Variants in CACNA2D1 observed in about 807,000 individuals in gnomAD.
The protein encoded by CACNA2D1 is calcium voltage-gated channel auxiliary subunit alpha2delta 1, also known as voltage-dependent calcium channel subunit alpha-2/delta-1.
Under a neutral mutation model 171.5 loss-of-function variants are expected in CACNA2D1, and 53 were observed. The ratio of observed to expected loss-of-function variants is 0.31; its 90% CI spans 0.25 to 0.39. CACNA2D1 has a LOEUF of 0.39. Ranked by LOEUF, CACNA2D1 falls within the 10% of genes least tolerant of loss-of-function variation. The probability of loss-of-function intolerance (pLI) is 1.00; values close to 1 mark genes in which losing one functional copy is unlikely to be tolerated. For missense variants in CACNA2D1, 903 were observed against 1,299.8 expected, an observed-to-expected ratio of 0.69 and a Z score of 4.69; for synonymous variants, 442 against 443.1, an observed-to-expected ratio of 1.00 and a Z score of 0.03.
At chr7:82,014,222 G>A (rs1281696135) in intron 13 of CACNA2D1, among the ~76,000 whole-genome samples, 179 bp downstream of exon 13, 1 of 152,036 alleles carries the variant, frequency 6.6e-6, no homozygotes, top group Non-Finnish European at 1.5e-5. Flanking sequence ...TTCATATAAT[G>A]TAATGCCAGT....
At chr7:82,192,820 A>G (rs1042431253) in intron 3 of CACNA2D1, among the ~76,000 whole-genome samples, 1 of 148,550 alleles carries the variant, frequency 6.7e-6, no homozygotes, top group Non-Finnish European at 1.5e-5. Context: ...CACACACACA[A>G]ACACTATACA....
rs1417737803 is a variant in CACNA2D1, at chr7:81,947,650, G to C, written c.*2742C>G. 3.3e-5 allele frequency: 5 copies of C among 151,940 alleles called. No homozygotes were observed. Among genetic ancestry groups the C allele is most frequent in the Non-Finnish European group, 5.9e-5 (4 of 67,868 alleles). The allele number at this position is 151,940 out of a possible 1,614,324, so 9.4% of individuals were successfully genotyped here. On this transcript the variant is annotated 3_prime_UTR_variant, in exon 39 of 39. Coordinates refer to ENST00000356860, the MANE Select transcript of CACNA2D1 (RefSeq NM_000722.4). ...AGTATAACAAAAATTAGTTAAAGCA[G>C]TGTATAAACTTTTTTATTGATCTGT...
chr7:82,166,747 A>C (rs1232815693), intron 4 of CACNA2D1, among the ~76,000 whole-genome samples: 1 of 151,998 alleles, frequency 6.6e-6, no homozygotes, highest in Non-Finnish European at 1.5e-5. Flanking sequence ...CAGCTGGTAG[A>C]CATAGCTTAT....
chr7:82,177,167 C>G (rs1796631505), intron 3 of CACNA2D1, among the ~76,000 whole-genome samples: 1 of 150,312 alleles, frequency 6.7e-6, no homozygotes, highest in African/African-American at 2.5e-5. Flanking sequence ...TCGAGCCTAC[C>G]ACCCCAGAAT....
At chr7:82,147,702 C>T (rs1793305744) in intron 4 of CACNA2D1, among the ~76,000 whole-genome samples, 5 of 152,098 alleles carry the variant, frequency 3.3e-5, no homozygotes, top group Admixed American at 3.3e-4. Context: ...CCTTCCTCTC[C>T]AGATTAATCA....
intron 28 of CACNA2D1, among the ~76,000 whole-genome samples, 177 bp downstream of exon 28, chr7:81,969,704 C>G (rs1296318134): frequency 1.3e-5 from 2 of 151,228 alleles, no homozygotes; most frequent in Non-Finnish European, 3.0e-5. Flanking sequence ...CATTTTGCTT[C>G]TTCAACTAAA....
chr7:82,076,266 C>G (rs1278861458), intron 7 of CACNA2D1, among the ~76,000 whole-genome samples: 1 of 152,102 alleles, frequency 6.6e-6, no homozygotes, highest in South Asian at 2.1e-4. Context: ...AAATGCATCC[C>G]CACACAACAC....
chr7:82,180,435 A>G (rs553866532), intron 3 of CACNA2D1, among the ~76,000 whole-genome samples: 19 of 152,276 alleles, frequency 1.2e-4, no homozygotes, highest in African/African-American at 4.3e-4. Context: ...CATAAGGTCC[A>G]CTGTGTCTGA....
At position 82,039,567 on chromosome 7, in the gene CACNA2D1, A is replaced by G. The variant is rs540176329; in HGVS notation, c.880-1332T>C. Among the ~76,000 whole-genome samples the G allele has an allele frequency of 2.6e-5, 4 of 152,352 alleles. No homozygotes were observed. In the South Asian group the frequency reaches 8.3e-4, roughly 32 times the overall value. ...TATCTACGAAAAAAACTCATCCTGC[A>G]TTGCCTCTCAATATAGTATAATAAA... is the stretch of plus-strand genomic sequence containing the variant. On this transcript the variant is annotated intron_variant, in intron 10 of 38. Transcript: ENST00000356860.
chr7:82,010,053 TCAC>T (rs1263216893), intron 15 of CACNA2D1, among the ~76,000 whole-genome samples: 3 of 152,014 alleles, frequency 2.0e-5, no homozygotes, highest in Admixed American at 6.6e-5. Context: ...GTTTCACTTT[TCAC>T]CACCAATTGC....
chr7:82,315,847 T>C lies in CACNA2D1; in HGVS notation c.294+19288A>G, dbSNP rs1454159533. Among the ~76,000 whole-genome samples the C allele has an allele frequency of 2.0e-5, 3 of 152,288 alleles. No homozygotes were observed. The East Asian group carries it at 5.8e-4, about 29-fold the overall frequency. The stretch of plus-strand genomic sequence containing the variant: ...TAATGCCCGCTAACAGTAGAATTAA[T>C]CAAAATTTAACTTGATACTTTTTTC... On this transcript the variant is annotated intron_variant, in intron 3 of 38. Coordinates refer to ENST00000356860, the MANE Select transcript of CACNA2D1 (RefSeq NM_000722.4).
At chr7:82,410,536 A>G in intron 1 of CACNA2D1, 1 of 985,314 alleles carries the variant, frequency 1.0e-6, no homozygotes, top group Non-Finnish European at 1.2e-6. Flanking sequence ...GGTGCACGCT[A>G]CATCAGGGGT....
intron 1 of CACNA2D1, among the ~76,000 whole-genome samples, chr7:82,420,885 T>C (rs977369419): frequency 6.6e-6 from 1 of 152,098 alleles, no homozygotes; most frequent in Non-Finnish European, 1.5e-5. Context: ...TATTATTTAG[T>C]CCTTTATGGA....
At chr7:82,019,245 G>A (rs1010427267) in intron 12 of CACNA2D1, among the ~76,000 whole-genome samples, 7 of 151,628 alleles carry the variant, frequency 4.6e-5, no homozygotes, top group Non-Finnish European at 8.8e-5. Context: ...ACTTGAACCC[G>A]GGAGGTGGAG....
At chr7:82,078,491 T>C (rs1809289076) in intron 7 of CACNA2D1, among the ~76,000 whole-genome samples, 1 of 152,172 alleles carries the variant, frequency 6.6e-6, no homozygotes, top group African/African-American at 2.4e-5. Context: ...ATAGCTTTAA[T>C]TTATATAAAT....
chr7:82,055,107 C>T (rs748608118), intron 10 of CACNA2D1, among the ~76,000 whole-genome samples: 59 of 152,096 alleles, frequency 3.9e-4, no homozygotes, highest in Admixed American at 6.6e-5. Context: ...TTATAAAGTA[C>T]GCTGCATTCA....
intron 3 of CACNA2D1, among the ~76,000 whole-genome samples, chr7:82,256,034 T>G (rs1272551392): frequency 6.6e-6 from 1 of 152,148 alleles, no homozygotes; most frequent in African/African-American, 2.4e-5. Flanking sequence ...CCCAGCATTT[T>G]GAGAGGCCAA....
At chr7:82,202,446 G>A (rs1378640176) in intron 3 of CACNA2D1, among the ~76,000 whole-genome samples, 1 of 152,116 alleles carries the variant, frequency 6.6e-6, no homozygotes, top group African/African-American at 2.4e-5. Context: ...GGTTGTGGTG[G>A]CCGGTGGCAG....
At chr7:81,955,980 A>ATATTT (rs58075516) in intron 38 of CACNA2D1, among the ~76,000 whole-genome samples, 11 of 34,554 alleles carry the variant, frequency 3.2e-4, no homozygotes, top group African/African-American at 1.2e-3. Flanking sequence ...ATATATATAT[A>ATATTT]TTTTTTTTTT....
Sources: gnomAD v4.1 joint callset for allele counts (sites outside exome capture counted in the v4.1 genomes callset) on GRCh38, gnomAD v4.1.1 for gene constraint, MANE v1.5 for transcripts, NCBI Gene and HGNC (gene_info 2026-07-23, HGNC 2026-07-21) for gene names.